TTC19: variants seen among roughly 807,000 people sequenced by gnomAD.
TTC19 encodes the protein tetratricopeptide repeat domain 19.
TTC19 carries 38 observed loss-of-function variants against 49.5 expected under a neutral mutation model. The ratio of observed to expected loss-of-function variants is 0.77; its 90% CI spans 0.59 to 1.01. The LOEUF (loss-of-function observed/expected upper bound fraction) is 1.01. TTC19 is among the 50% of genes least tolerant of loss of function. TTC19 has a pLI of 0.00. For synonymous variants in TTC19, 204 were observed against 185.2 expected (o/e 1.10, Z -0.83); for missense variants, 475 against 477.7 (o/e 0.99, Z 0.05).
downstream of TTC19, chr17:16,032,503 G>C (rs1426746497): frequency 6.4e-7 from 1 of 1,558,454 alleles, no homozygotes; most frequent in East Asian, 2.4e-5. Context: ...GAAAAATTAG[G>C]TTTTCATTGT....
Position 16,026,652 on chromosome 17 carries a change from C to T in TTC19, c.944C>T (p.Pro315Leu), listed in dbSNP as rs1321525027. 3 of 1,614,126 alleles carry T rather than the reference C, an allele frequency of 1.9e-6. No homozygotes were observed. Among genetic ancestry groups the T allele is most frequent in the East Asian group, 2.2e-5 (1 of 44,892 alleles). ...GATCTGGCAAGACAGATAAATCATCCTGAGCTACACATGGTACTCAGTAAT... is the reference window on the plus strand; with the variant it reads ...GATCTGGCAAGACAGATAAATCATCTTGAGCTACACATGGTACTCAGTAAT... ...ASDLARQINH[P>L]ELHMVLSNLA... Residue 315 changes from proline to leucine, a missense_variant, in exon 9 of 10, where the codon CCT becomes CTT. Pro to Leu is a moderately conservative substitution (Grantham distance 98). Coordinates refer to ENST00000261647, the MANE Select transcript of TTC19 (RefSeq NM_017775.4).
chr17:16,032,571 A>G (rs1972303251), downstream of TTC19: 1 of 1,291,766 alleles, frequency 7.7e-7, no homozygotes, highest in Admixed American at 2.6e-5. Context: ...GTAGAATAGG[A>G]TTATTGTAAA....
intron 7 of TTC19, among the ~76,000 whole-genome samples, chr17:16,015,455 A>T (rs1361523313): frequency 6.6e-6 from 1 of 152,222 alleles, no homozygotes; most frequent in Non-Finnish European, 1.5e-5. Flanking sequence ...ACTCTTACGT[A>T]TCTGAGATCC....
chr17:16,003,731 A>T, intron 4 of TTC19, 100 bp from the exon 5 acceptor site: 1 of 1,107,166 alleles, frequency 9.0e-7, no homozygotes, highest in Non-Finnish European at 1.3e-6. Context: ...TGGGTTTTAC[A>T]AGGAATGTTG....
chr17:16,035,467 G>C (rs1435278464), intron 2 of TTC19, among the ~76,000 whole-genome samples: 1 of 149,736 alleles, frequency 6.7e-6, no homozygotes, highest in Non-Finnish European at 1.5e-5. Context: ...TCCATTTCAA[G>C]TTTGATCATG....
In TTC19 at chr17:16,000,111, C is replaced by G. The variant is rs749865615; in HGVS notation, c.185-7C>G. On this transcript the variant is annotated splice_region_variant and splice_polypyrimidine_tract_variant and intron_variant, in intron 1 of 9. Coordinates refer to ENST00000261647, the MANE Select transcript of TTC19 (RefSeq NM_017775.4). Reference sequence around the variant, plus strand: ...GGGCCCGATGACCTCAGAGCCCCTTCCCGCAGCGCTCGCCTGGTTCTCGAG... The same window carrying G: ...GGGCCCGATGACCTCAGAGCCCCTTGCCGCAGCGCTCGCCTGGTTCTCGAG... The G allele has an allele frequency of 1.3e-6, 2 of 1,541,090 alleles. No individual in the cohort carries two copies. Among genetic ancestry groups the G allele is most frequent in the Non-Finnish European group, 1.7e-6 (2 of 1,151,058 alleles).
chr17:16,044,752 C>T, exon 3 of TTC19: 2 of 824,180 alleles, frequency 2.4e-6, no homozygotes, highest in East Asian at 2.5e-5. Context: ...CTTTTTGGTC[C>T]AGCTTGTTTG....
chr17:16,006,368 C>G, intron 6 of TTC19, 106 bp from the exon 7 acceptor site: 1 of 828,972 alleles, frequency 1.2e-6, no homozygotes, highest in South Asian at 1.3e-5. Context: ...CGAGGTCACG[C>G]CATTGCACTC....
chr17:16,019,790 T>C (rs2151671433), intron 7 of TTC19, among the ~76,000 whole-genome samples: 1 of 152,272 alleles, frequency 6.6e-6, no homozygotes, highest in South Asian at 2.1e-4. Context: ...TGTGCACACC[T>C]GGAATATTAC....
intron 2 of TTC19, among the ~76,000 whole-genome samples, chr17:16,034,475 G>C (rs1451646586): frequency 6.6e-6 from 1 of 152,016 alleles, no homozygotes; most frequent in East Asian, 1.9e-4. Flanking sequence ...AGGCATGGTC[G>C]TGCACGCCTG....
At chr17:16,020,402 G>A (rs370488406) in intron 7 of TTC19, among the ~76,000 whole-genome samples, 54 of 151,956 alleles carry the variant, frequency 3.6e-4, no homozygotes, top group African/African-American at 1.3e-3. Flanking sequence ...TTACGTATTC[G>A]ATCATTTTGT....
At chr17:16,044,880 C>A in exon 3 of TTC19, 1 of 754,878 alleles carries the variant, frequency 1.3e-6, no homozygotes. Flanking sequence ...TGCTGCTGCT[C>A]CAGCTGAGAA....
At chr17:16,039,479 G>A (rs1400726537) in intron 2 of TTC19, 1 of 1,614,004 alleles carries the variant, frequency 6.2e-7, no homozygotes. Flanking sequence ...TCTCACCACT[G>A]GTCACAACTG....
At chr17:16,036,362 C>T (rs996223893) in intron 2 of TTC19, among the ~76,000 whole-genome samples, 4 of 152,164 alleles carry the variant, frequency 2.6e-5, no homozygotes, top group Admixed American at 6.5e-5. Context: ...AGAGCACAGG[C>T]GAGTAGACCA....
At chr17:16,038,422 CCT>C (rs1022966802) in intron 2 of TTC19, among the ~76,000 whole-genome samples, 24 of 142,364 alleles carry the variant, frequency 1.7e-4, no homozygotes, top group African/African-American at 6.4e-4. Flanking sequence ...CTTTTTCTTC[CCT>C]TTTTCCTACT....
intron 2 of TTC19, among the ~76,000 whole-genome samples, chr17:16,039,027 C>G (rs373688637): frequency 2.6e-5 from 4 of 152,220 alleles, no homozygotes; most frequent in Non-Finnish European, 4.4e-5. Flanking sequence ...CCTCCGCCCC[C>G]CAAAGTGCTG....
intron 3 of TTC19, 136 bp downstream of exon 3, chr17:16,002,161 G>T (rs1336991402): frequency 2.8e-6 from 2 of 722,428 alleles, no homozygotes; most frequent in Non-Finnish European, 4.8e-6. Flanking sequence ...TTTTCTTTTG[G>T]CTTCAGTTTC....
chr17:16,024,731 T>C (rs1310956004), intron 7 of TTC19: 3 of 423,762 alleles, frequency 7.1e-6, no homozygotes, highest in Non-Finnish European at 4.4e-6. Context: ...CTTTTTGTTG[T>C]TAACTCATTC....
exon 3 of TTC19, chr17:16,044,899 A>T: frequency 1.4e-6 from 1 of 715,116 alleles, no homozygotes. Context: ...AAGAAAGTGG[A>T]AGCAAACAAA....
Sources: gnomAD v4.1 joint callset for allele counts (sites outside exome capture counted in the v4.1 genomes callset) on GRCh38, gnomAD v4.1.1 for gene constraint, MANE v1.5 for transcripts, NCBI Gene and HGNC (gene_info 2026-07-23, HGNC 2026-07-21) for gene names.